COX15: variants seen among roughly 807,000 people sequenced by gnomAD.
COX15 encodes the protein cytochrome c oxidase assembly factor COX15, also known as heme A synthase COX15.
In COX15, 51 loss-of-function variants were observed where a neutral mutation model predicts 51.9. The ratio of observed to expected loss-of-function variants is 0.98; its 90% CI spans 0.78 to 1.24. The LOEUF is 1.24. Ranked by LOEUF, COX15 falls within the 50% of genes most tolerant of loss-of-function variation. The pLI, the probability that COX15 is intolerant of heterozygous loss-of-function variation, is 0.00. For missense variants in COX15, 420 were observed against 501.1 expected (o/e 0.84, Z 1.55); for synonymous variants, 188 against 190.5 (o/e 0.99, Z 0.11).
At chr10:99,729,227 C>T (rs540725335) in intron 2 of COX15, among the ~76,000 whole-genome samples, 5 of 152,180 alleles carry the variant, frequency 3.3e-5, no homozygotes, top group African/African-American at 7.2e-5. Context: ...TTTGGGAGGC[C>T]GAGGTGGGCA....
At position 99,712,884 on chromosome 10, in the gene COX15, C is replaced by T. The variant is rs1195976090; in HGVS notation, c.*1703G>A. 4.2e-6 allele frequency: 2 copies of T among 480,764 alleles called. No individual in the cohort carries two copies. Among genetic ancestry groups the T allele is most frequent in the Non-Finnish European group, 5.5e-6 (2 of 366,610 alleles). The allele number at this position is 480,764 out of a possible 1,614,324, so 29.8% of individuals were successfully genotyped here. A position where few individuals can be genotyped will look rare whatever the true frequency, so the allele number is the denominator to read the frequency against. ...GCATAATGGAAGCTCATTCCCTCTT[C>T]TGCATGAGACGGCTTCAACTTCTCA... On this transcript the variant is annotated 3_prime_UTR_variant, in exon 9 of 9. Coordinates refer to ENST00000016171, the MANE Select transcript of COX15 (RefSeq NM_078470.6).
downstream of COX15, chr10:99,710,084 T>C (rs769776249): frequency 8.2e-5 from 81 of 985,294 alleles, no homozygotes; most frequent in Non-Finnish European, 9.5e-5. Flanking sequence ...ACATGTCTGC[T>C]CCTGAGCCTC....
At position 99,729,703 on chromosome 10, in the gene COX15, C is replaced by T. The variant is rs761035049; in HGVS notation, c.122G>A (p.Gly41Glu). ...TACTTCAGAGATGGTGCTGTATTGC[C>T]CTGGCCTCAAAGGGCGCCTGATGCA... ...CDCIRRPLRP[G>E]QYSTISEVAL... Residue 41 changes from glycine to glutamate, a missense_variant, in exon 2 of 9, where the codon GGG becomes GAG. Coordinates refer to ENST00000016171, the MANE Select transcript of COX15 (RefSeq NM_078470.6). The T allele has an allele frequency of 2.5e-6, 4 of 1,614,130 alleles. No homozygotes were observed. Among genetic ancestry groups the T allele is most frequent in the Non-Finnish European group, 3.4e-6 (4 of 1,180,038 alleles).
Position 99,716,365 on chromosome 10 carries a change from C to G in COX15, c.1084G>C (p.Ala362Pro). The G allele has an allele frequency of 6.2e-7, 1 of 1,612,136 alleles. No individual in the cohort carries two copies. Among genetic ancestry groups the G allele is most frequent in the Admixed American group, 1.7e-5 (1 of 59,980 alleles). ...RTKMAAVTLLALAYTQVGLGI... is the reference protein window; with the variant it reads ...RTKMAAVTLLPLAYTQVGLGI... Reference sequence around the variant, plus strand: ...GTTTATACCTGTGTATACGCCAAAGCCAGCAGAGTCACTGCTGCCATCTTG... The same window carrying G: ...GTTTATACCTGTGTATACGCCAAAGGCAGCAGAGTCACTGCTGCCATCTTG... Residue 362 changes from alanine (A) to proline (P), a missense_variant, in exon 8 of 9, where the codon GCT (alanine) becomes CCT (proline). Ala to Pro is a conservative substitution (Grantham distance 27). Transcript: ENST00000016171.
intron 3 of COX15, 22 bp downstream of exon 3, chr10:99,727,419 C>T (rs766412239): frequency 6.2e-7 from 1 of 1,607,450 alleles, no homozygotes; most frequent in African/African-American, 1.3e-5. Flanking sequence ...GGGATGTTTA[C>T]CTAATTTTCT....
the COX15 span, among the ~76,000 whole-genome samples, chr10:99,702,324 T>C: frequency 6.6e-6 from 1 of 152,160 alleles, no homozygotes; most frequent in African/African-American, 2.4e-5. Flanking sequence ...CACAGTATCA[T>C]TATTGCCTTT....
Position 99,713,477 on chromosome 10 carries a change from G to A in COX15, c.*1110C>T. 6.2e-7 allele frequency: 1 copy of A among 1,612,616 alleles called. No individual in the cohort carries two copies. Among genetic ancestry groups the A allele is most frequent in the African/African-American group, 1.3e-5 (1 of 74,986 alleles). On this transcript the variant is annotated 3_prime_UTR_variant, in exon 9 of 9. Transcript: ENST00000016171. ...TAAAAGTAAAGTTGAATAAGACAGG[G>A]CCCTATGAAATATCAATAGAGACCA...
At chr10:99,704,475 G>C in the COX15 span, 2 of 1,614,190 alleles carry the variant, frequency 1.2e-6, no homozygotes, top group Non-Finnish European at 1.7e-6. Context: ...GAAGGTGTCC[G>C]ACAAGCCCAT....
At chr10:99,723,242 A>C (rs2036838719) in intron 5 of COX15, 1 of 152,544 alleles carries the variant, frequency 6.6e-6, no homozygotes, top group South Asian at 2.1e-4. Context: ...TCCCGGATTC[A>C]AGCAATTCTC....
chr10:99,714,655 A>G lies in COX15; in HGVS notation c.1165T>C (p.Ser389Pro). 2 of 1,614,104 alleles carry G rather than the reference A, an allele frequency of 1.2e-6. No homozygotes were observed. Among genetic ancestry groups the G allele is most frequent in the Non-Finnish European group, 1.7e-6 (2 of 1,180,004 alleles). ...CCAGTGAGCAAAGCCAAGGAGCCTG[A>G]CTGGTGAGTGGCGGCCAGAGGAGTT... is the stretch of plus-strand genomic sequence containing the variant. ...VPTPLAATHQ[S>P]GSLALLTGAL... is the part of the protein sequence containing the mutation. The change falls in exon 9 of 9, where the codon TCA becomes CCA. Residue 389 changes from serine to proline, a missense_variant. Ser to Pro is a moderately conservative substitution (Grantham distance 74, BLOSUM62 -1). Coordinates refer to ENST00000016171, the MANE Select transcript of COX15 (RefSeq NM_078470.6).
rs1446454487 is a variant in COX15, at chr10:99,729,605, G to A, written c.220C>T (p.Leu74=). 6.2e-7 allele frequency: 1 copy of A among 1,613,918 alleles called. No homozygotes were observed. The highest frequency in any genetic ancestry group is 1.1e-5 in the South Asian group (1 of 91,054). ...CCAGCCACTGTTCCACTGCAGACCA[G>A]GAGCCATCGGCCCACCACCCGCTCA... ...AAERVVGRWL[L]VCSGTVAGAV... Residue 74 remains leucine, a synonymous_variant, in exon 2 of 9, where the codon CTG becomes TTG. Transcript: ENST00000016171.
At position 99,713,612 on chromosome 10, in the gene COX15, A is replaced by G. The variant is rs2036468397; in HGVS notation, c.*975T>C. 1.5e-6 allele frequency: 2 copies of G among 1,336,942 alleles called. No individual in the cohort carries two copies. Among genetic ancestry groups the G allele is most frequent in the Middle Eastern group, 2.5e-4 (1 of 3,974 alleles). 82.8% of individuals were successfully genotyped at this position (1,336,942 alleles called of 1,614,324 possible). A position where few individuals can be genotyped will look rare whatever the true frequency, so the allele number is the denominator to read the frequency against. On this transcript the variant is annotated 3_prime_UTR_variant, in exon 9 of 9. Transcript: ENST00000016171. The stretch of plus-strand genomic sequence containing the variant: ...TACAAAGCTGTTAGGAAACCCTCTC[A>G]GGAACCAATTTATACTGTCGATTCC...
the COX15 span, chr10:99,695,824 GA>G: frequency 1.3e-6 from 1 of 779,452 alleles, no homozygotes; most frequent in Non-Finnish European, 1.9e-6. Context: ...ATAATGCTAT[GA>G]GGATGAAAGA....
chr10:99,703,995 T>G, the COX15 span, among the ~76,000 whole-genome samples: 11 of 152,168 alleles, frequency 7.2e-5, no homozygotes, highest in Non-Finnish European at 1.6e-4. Context: ...CAAAGTGCTT[T>G]GATTACAAGC....
In COX15 at chr10:99,714,350, C is replaced by T. The variant is rs982437774; in HGVS notation, c.*237G>A. The stretch of plus-strand genomic sequence containing the variant: ...CAAATGGCAGACATTTCTTTCTCTA[C>T]ATTAAAACTGATTTTCAACATGAAA... On this transcript the variant is annotated 3_prime_UTR_variant, in exon 9 of 9. Transcript: ENST00000016171. 4.6e-6 allele frequency: 6 copies of T among 1,316,278 alleles called. No homozygotes were observed. The highest frequency in any genetic ancestry group is 4.9e-6 in the Non-Finnish European group (5 of 1,026,244). The allele number at this position is 1,316,278 out of a possible 1,614,324, so 81.5% of individuals were successfully genotyped here. A position where few individuals can be genotyped will look rare whatever the true frequency, so the allele number is the denominator to read the frequency against.
intron 5 of COX15, among the ~76,000 whole-genome samples, chr10:99,721,883 AT>A (rs1054614097): frequency 7.2e-5 from 11 of 152,016 alleles, no homozygotes; most frequent in African/African-American, 2.7e-4. Flanking sequence ...AATTAAAAAA[AT>A]TTTTTTTCTC....
chr10:99,711,002 G>A lies in COX15; in HGVS notation c.*3585C>T. The A allele has an allele frequency of 1.0e-6, 1 of 984,800 alleles. No individual in the cohort carries two copies. Among genetic ancestry groups the A allele is most frequent in the East Asian group, 1.1e-4 (1 of 8,824 alleles). 61.0% of individuals were successfully genotyped at this position (984,800 alleles called of 1,614,324 possible). The stretch of plus-strand genomic sequence containing the variant: ...TGATGACTTGTTTTTTTGGAAAAAG[G>A]TATTTGGAACATCAATCTGTAATTA... On this transcript the variant is annotated 3_prime_UTR_variant, in exon 9 of 9. Transcript: ENST00000016171.
chr10:99,701,053 A>T, the COX15 span: 1 of 1,613,714 alleles, frequency 6.2e-7, no homozygotes. Context: ...ATGAGCATCG[A>T]CTCAAGTAAG....
At position 99,713,300 on chromosome 10, in the gene COX15, G is replaced by A. The variant is rs987708429; in HGVS notation, c.*1287C>T. On this transcript the variant is annotated 3_prime_UTR_variant, in exon 9 of 9. Coordinates refer to ENST00000016171, the MANE Select transcript of COX15 (RefSeq NM_078470.6). ...TATACAACTTATTTAATTTAAATGA[G>A]TATGTTACATTTCTAATCTGTTTAA... The A allele has an allele frequency of 1.3e-6, 2 of 1,567,870 alleles. No homozygotes were observed. The highest frequency in any genetic ancestry group is 2.2e-5 in the East Asian group (1 of 44,486).
Sources: allele counts gnomAD v4.1 joint callset (sites outside exome capture counted in the v4.1 genomes callset), GRCh38; gene constraint gnomAD v4.1.1; transcripts MANE v1.5; gene names NCBI Gene and HGNC (gene_info 2026-07-23, HGNC 2026-07-21).